Variants in PCDH15 observed in about 807,000 individuals in gnomAD.
PCDH15 encodes the protein protocadherin related 15.
In PCDH15, 129 loss-of-function variants were observed where a neutral mutation model predicts 178.5. That is an observed-to-expected ratio of 0.72 (90% confidence interval 0.63 to 0.84). The LOEUF is 0.84. Among genes scored for constraint, PCDH15 ranks in the 40% least tolerant of loss-of-function variants. The pLI, the probability that PCDH15 is intolerant of heterozygous loss-of-function variation, is 0.00. For missense variants in PCDH15, 2,230 were observed against 2,099.9 expected (o/e 1.06, Z -1.21); for synonymous variants, 800 against 732.0 (o/e 1.09, Z -1.50).
At chr10:54,958,901 A>G (rs1206861015) in intron 2 of PCDH15, among the ~76,000 whole-genome samples, 2 of 151,948 alleles carry the variant, frequency 1.3e-5, no homozygotes, top group Non-Finnish European at 2.9e-5. Context: ...CTGACTCAGA[A>G]TAGTTCATAC....
chr10:54,873,814 A>G (rs1266957759), intron 3 of PCDH15, among the ~76,000 whole-genome samples: 2 of 148,662 alleles, frequency 1.3e-5, no homozygotes, highest in African/African-American at 4.9e-5. Context: ...CTACTGATAT[A>G]AGAAAAATAA....
intron 2 of PCDH15, among the ~76,000 whole-genome samples, chr10:55,622,811 C>G (rs751272039): frequency 1.5e-4 from 23 of 152,148 alleles, no homozygotes; most frequent in Non-Finnish European, 2.6e-4. Flanking sequence ...AATGTCCTCT[C>G]CCCACTCCCA....
intron 8 of PCDH15, among the ~76,000 whole-genome samples, chr10:54,301,136 G>A (rs189559829): frequency 6.6e-6 from 1 of 151,798 alleles, no homozygotes; most frequent in Admixed American, 6.6e-5. Flanking sequence ...TTTAAGAGCT[G>A]TAACACTCAC....
chr10:53,835,599 C>T (rs938009757), intron 29 of PCDH15, among the ~76,000 whole-genome samples: 3 of 152,028 alleles, frequency 2.0e-5, no homozygotes, highest in African/African-American at 7.2e-5. Context: ...TACATTGTTT[C>T]ACCTTTGGCA....
intron 2 of PCDH15, among the ~76,000 whole-genome samples, chr10:55,497,756 T>C (rs1180982391): frequency 6.6e-6 from 1 of 151,948 alleles, no homozygotes; most frequent in Non-Finnish European, 1.5e-5. Flanking sequence ...TCTTTCTCTC[T>C]GAATGTTGCC....
chr10:54,753,233 G>C (rs532674806), intron 1 of PCDH15, among the ~76,000 whole-genome samples: 5 of 152,064 alleles, frequency 3.3e-5, no homozygotes, highest in Non-Finnish European at 5.9e-5. Context: ...ACCCAGGCTG[G>C]GGGGCAGTGG....
intron 2 of PCDH15, among the ~76,000 whole-genome samples, chr10:55,344,990 G>C (rs1844708341): frequency 6.6e-6 from 1 of 151,840 alleles, no homozygotes; most frequent in Admixed American, 6.6e-5. Context: ...GAAGGATTTT[G>C]CATAAATGTT....
chr10:54,279,605 A>G (rs914497303), intron 8 of PCDH15, among the ~76,000 whole-genome samples: 3 of 149,396 alleles, frequency 2.0e-5, no homozygotes, highest in African/African-American at 7.3e-5. Flanking sequence ...TTCCTAACAA[A>G]TATTTCCAGA....
chr10:54,177,429 T>G (rs1203417850), intron 13 of PCDH15, among the ~76,000 whole-genome samples: 1 of 152,032 alleles, frequency 6.6e-6, no homozygotes, highest in Non-Finnish European at 1.5e-5. Context: ...AGACTTTGGA[T>G]GATAACAATG....
intron 2 of PCDH15, among the ~76,000 whole-genome samples, chr10:55,157,686 C>G (rs11004761): frequency 6.6e-6 from 1 of 151,730 alleles, no homozygotes; most frequent in Non-Finnish European, 1.5e-5. Flanking sequence ...ACCATCATTC[C>G]TAGCAAACTA....
chr10:54,370,189 T>C (rs1038703536), intron 4 of PCDH15, among the ~76,000 whole-genome samples: 3 of 151,884 alleles, frequency 2.0e-5, no homozygotes, highest in South Asian at 4.1e-4. Context: ...GACTCTAGAG[T>C]CAGAGTATTG....
chr10:55,124,923 T>A (rs1274383418), intron 2 of PCDH15, among the ~76,000 whole-genome samples: 1 of 151,904 alleles, frequency 6.6e-6, no homozygotes, highest in Non-Finnish European at 1.5e-5. Context: ...AAGTCAGATA[T>A]CCTCATTACA....
At chr10:55,509,882 A>C (rs1472459097) in intron 2 of PCDH15, among the ~76,000 whole-genome samples, 1 of 151,988 alleles carries the variant, frequency 6.6e-6, no homozygotes, top group Admixed American at 6.6e-5. Context: ...CCCAGCTGGA[A>C]GGAACCTTGG....
At chr10:55,536,768 C>T (rs1348174777) in intron 2 of PCDH15, among the ~76,000 whole-genome samples, 3 of 151,962 alleles carry the variant, frequency 2.0e-5, no homozygotes, top group Non-Finnish European at 2.9e-5. Context: ...TTCAAGTTGC[C>T]CAACACAAAA....
chr10:53,978,403 C>A (rs139682144), intron 21 of PCDH15, among the ~76,000 whole-genome samples: 1 of 152,090 alleles, frequency 6.6e-6, no homozygotes, highest in Non-Finnish European at 1.5e-5. Context: ...TACCTTGGCC[C>A]ATTTTAACCA....
At chr10:54,854,213 T>C (rs573203914) in intron 3 of PCDH15, among the ~76,000 whole-genome samples, 7 of 152,130 alleles carry the variant, frequency 4.6e-5, no homozygotes, top group Non-Finnish European at 1.0e-4. Flanking sequence ...CCAGGGAACA[T>C]GGTTGCTCCT....
intron 15 of PCDH15, among the ~76,000 whole-genome samples, chr10:54,112,981 C>T (rs2095052421): frequency 6.6e-6 from 1 of 152,086 alleles, no homozygotes; most frequent in Non-Finnish European, 1.5e-5. Context: ...TTTAAGCTTA[C>T]TGGGGAATGA....
intron 2 of PCDH15, among the ~76,000 whole-genome samples, chr10:55,524,484 A>C (rs2132168893): frequency 6.6e-6 from 1 of 151,764 alleles, no homozygotes; most frequent in South Asian, 2.1e-4. Flanking sequence ...ATAATTATAC[A>C]TTGAAATGAT....
chr10:54,225,270 A>C (rs532967041), intron 9 of PCDH15, among the ~76,000 whole-genome samples: 2 of 152,148 alleles, frequency 1.3e-5, no homozygotes, highest in South Asian at 4.1e-4. Context: ...TTTGAAAACC[A>C]CCTCTTCATG....
Sources: gnomAD v4.1 joint callset for allele counts (sites outside exome capture counted in the v4.1 genomes callset) on GRCh38, gnomAD v4.1.1 for gene constraint, MANE v1.5 for transcripts, NCBI Gene and HGNC (gene_info 2026-07-23, HGNC 2026-07-21) for gene names.